Variants in TBC1D32 observed in about 807,000 individuals in gnomAD.
TBC1D32 encodes the protein TBC1 domain family member 32, also known as protein broad-minded.
Under a neutral mutation model 170.3 loss-of-function variants are expected in TBC1D32, and 151 were observed. That is an observed-to-expected ratio of 0.89 (90% confidence interval 0.78 to 1.01). TBC1D32 has a LOEUF of 1.01. Among genes scored for constraint, TBC1D32 ranks in the 50% least tolerant of loss-of-function variants. The probability of loss-of-function intolerance (pLI) is 0.00; values close to 1 mark genes in which losing one functional copy is unlikely to be tolerated. For synonymous variants in TBC1D32, 498 were observed against 488.0 expected, an observed-to-expected ratio of 1.02 and a Z score of -0.27; for missense variants, 1,464 against 1,457.1, an observed-to-expected ratio of 1.00 and a Z score of -0.08.
chr6:121,156,779 T>C (rs996055215), intron 24 of TBC1D32, among the ~76,000 whole-genome samples: 1 of 152,100 alleles, frequency 6.6e-6, no homozygotes, highest in African/African-American at 2.4e-5. Context: ...CACTCAAGGG[T>C]TATAAAGAGC....
intron 1 of TBC1D32, among the ~76,000 whole-genome samples, chr6:121,324,412 T>C (rs111823195): frequency 0.019 from 2,887 of 152,248 alleles, 103 homozygotes; most frequent in African/African-American, 0.066. Flanking sequence ...GTTTAGATAG[T>C]AAATTCTATG....
chr6:121,207,846 C>A (rs1270058887), intron 21 of TBC1D32, among the ~76,000 whole-genome samples: 2 of 152,084 alleles, frequency 1.3e-5, no homozygotes, highest in Non-Finnish European at 2.9e-5. Context: ...TTACAACTGC[C>A]CCAATAGCTA....
chr6:121,132,966 T>G (rs1326005235), intron 24 of TBC1D32, among the ~76,000 whole-genome samples: 1 of 151,952 alleles, frequency 6.6e-6, no homozygotes, highest in Non-Finnish European at 1.5e-5. Context: ...TAGAATAAAA[T>G]GGGAGAACCA....
intron 20 of TBC1D32, among the ~76,000 whole-genome samples, chr6:121,231,986 C>T (rs576941497): frequency 6.6e-6 from 1 of 152,186 alleles, no homozygotes; most frequent in East Asian, 1.9e-4. Context: ...GTCATAAAGT[C>T]TTTACCTAAG....
chr6:121,294,513 A>T, intron 11 of TBC1D32, 57 bp downstream of exon 11: 1 of 1,319,616 alleles, frequency 7.6e-7, no homozygotes, highest in Non-Finnish European at 1.1e-6. Flanking sequence ...ACTAAACTGT[A>T]TTTACTAATA....
chr6:121,281,500 A>G, intron 14 of TBC1D32, 44 bp downstream of exon 14: 1 of 1,530,204 alleles, frequency 6.5e-7, no homozygotes, highest in Non-Finnish European at 8.9e-7. Flanking sequence ...ATCCACTAAT[A>G]CCCAGGTAAG....
intron 22 of TBC1D32, among the ~76,000 whole-genome samples, chr6:121,161,548 A>C (rs1163502707): frequency 6.6e-6 from 1 of 152,186 alleles, no homozygotes; most frequent in Non-Finnish European, 1.5e-5. Flanking sequence ...ATAGCTGCAT[A>C]GTATTACATG....
chr6:121,299,396 A>C, intron 10 of TBC1D32, 50 bp downstream of exon 10: 1 of 1,442,454 alleles, frequency 6.9e-7, no homozygotes, highest in East Asian at 2.5e-5. Context: ...TACATCATAT[A>C]TATTCTGGTG....
intron 3 of TBC1D32, among the ~76,000 whole-genome samples, chr6:121,311,658 C>A (rs1018811656): frequency 6.7e-6 from 1 of 149,958 alleles, no homozygotes. Flanking sequence ...AACCAGGAGA[C>A]GGAGGTTTCA....
At chr6:121,305,074 T>C (rs1583664222) in intron 5 of TBC1D32, among the ~76,000 whole-genome samples, 2 of 152,176 alleles carry the variant, frequency 1.3e-5, no homozygotes, top group South Asian at 4.1e-4. Context: ...CCGGTCATAG[T>C]ATATACTGAC....
chr6:121,170,557 T>C, intron 22 of TBC1D32: 1 of 1,456,852 alleles, frequency 6.9e-7, no homozygotes, highest in African/African-American at 1.4e-5. Flanking sequence ...AAACGTAGAT[T>C]GTGTAAAATA....
intron 21 of TBC1D32, among the ~76,000 whole-genome samples, chr6:121,216,932 C>T (rs1329348985): frequency 6.6e-6 from 1 of 152,124 alleles, no homozygotes; most frequent in Non-Finnish European, 1.5e-5. Context: ...AAAATAGAAG[C>T]CATTACAGCT....
chr6:121,285,527 G>A (rs73526669), intron 12 of TBC1D32, among the ~76,000 whole-genome samples: 13 of 152,194 alleles, frequency 8.5e-5, no homozygotes, highest in African/African-American at 4.8e-5. Context: ...AACCAGGTAC[G>A]AGGGGTGGAG....
chr6:121,086,334 C>T (rs1323093832), intron 31 of TBC1D32, among the ~76,000 whole-genome samples: 2 of 152,096 alleles, frequency 1.3e-5, no homozygotes, highest in African/African-American at 2.4e-5. Flanking sequence ...AATATAAGGA[C>T]AATGCAGAAA....
chr6:121,279,158 G>C lies in TBC1D32; in HGVS notation c.1696C>G (p.Leu566Val), dbSNP rs1248722423. ...GAGTTCATATTTGCTCCATAAAGGA[G>C]TAAAATAAGCCCTTCTTCTACAGAT... ...IASVEEGLIL[L>V]LYGANMNSSE... Residue 566 changes from leucine to valine, a missense_variant, in exon 15 of 32, where the codon CTC (leucine) becomes GTC (valine). This residue lies in a region of TBC1D32 where 1,363 missense variants were observed against 1,338.1 expected (regional missense o/e 1.02). Coordinates refer to ENST00000398212, the MANE Select transcript of TBC1D32 (RefSeq NM_152730.6). 1 of 1,610,700 alleles carries C rather than the reference G, an allele frequency of 6.2e-7. No homozygotes were observed. Among genetic ancestry groups the C allele is most frequent in the East Asian group, 2.2e-5 (1 of 44,706 alleles).
chr6:121,235,448 G>T (rs945118494), intron 20 of TBC1D32, among the ~76,000 whole-genome samples: 1 of 152,138 alleles, frequency 6.6e-6, no homozygotes, highest in African/African-American at 2.4e-5. Flanking sequence ...ATGGGTGAGT[G>T]GTTCCCAGTC....
chr6:121,304,100 C>T (rs1806941662), intron 8 of TBC1D32, among the ~76,000 whole-genome samples: 1 of 85,704 alleles, frequency 1.2e-5, no homozygotes, highest in Admixed American at 1.7e-4. Flanking sequence ...ACCTTCAAAT[C>T]ACTGATACAT....
At chr6:121,324,343 C>T (rs1042841488) in intron 1 of TBC1D32, among the ~76,000 whole-genome samples, 8 of 151,994 alleles carry the variant, frequency 5.3e-5, no homozygotes, top group African/African-American at 7.2e-5. Flanking sequence ...GTATAATTTA[C>T]TTAAATATTT....
At chr6:121,185,782 A>T (rs9482119) in intron 22 of TBC1D32, among the ~76,000 whole-genome samples, 96,916 of 151,958 alleles carry the variant, frequency 0.64, 36,620 homozygotes, top group Non-Finnish European at 0.84. Flanking sequence ...TGACCAAGAA[A>T]CTAGTTTAAC....
Sources: gnomAD v4.1 joint callset for allele counts (sites outside exome capture counted in the v4.1 genomes callset) on GRCh38, gnomAD v4.1.1 for gene constraint, gnomAD v4.1.1 regional missense constraint, MANE v1.5 for transcripts, NCBI Gene and HGNC (gene_info 2026-07-23, HGNC 2026-07-21) for gene names.